Variants in TCERG1L observed in about 807,000 individuals in gnomAD.
TCERG1L encodes the protein transcription elongation regulator 1-like protein.
TCERG1L carries 37 observed loss-of-function variants against 56.3 expected under a neutral mutation model. The observed-to-expected ratio is 0.66, with a 90% CI of 0.51 to 0.87. The LOEUF (loss-of-function observed/expected upper bound fraction) is 0.87, where lower values mean the gene tolerates loss of function less well. Ranked by LOEUF, TCERG1L falls within the 40% of genes least tolerant of loss-of-function variation. The pLI is 0.00. For synonymous variants in TCERG1L, 324 were observed against 326.3 expected (o/e 0.99, Z 0.08); for missense variants, 799 against 774.2 (o/e 1.03, Z -0.38).
intron 4 of TCERG1L, among the ~76,000 whole-genome samples, chr10:131,227,117 G>A (rs931383045): frequency 3.9e-5 from 6 of 152,226 alleles, no homozygotes; most frequent in Non-Finnish European, 8.8e-5. Context: ...TCAGAGACTT[G>A]TTCTCCATAA....
chr10:131,245,232 A>G (rs548002973), intron 4 of TCERG1L, among the ~76,000 whole-genome samples: 1 of 152,172 alleles, frequency 6.6e-6, no homozygotes, highest in African/African-American at 2.4e-5. Context: ...AGTGTCAGCA[A>G]AACCTAATTA....
At chr10:131,244,145 A>G (rs977746682) in intron 4 of TCERG1L, among the ~76,000 whole-genome samples, 1 of 152,384 alleles carries the variant, frequency 6.6e-6, no homozygotes, top group African/African-American at 2.4e-5. Flanking sequence ...ACATAAAATA[A>G]AAGTGCATCG....
chr10:131,115,873 T>C (rs865920647), intron 9 of TCERG1L, among the ~76,000 whole-genome samples: 78 of 152,316 alleles, frequency 5.1e-4, no homozygotes, highest in African/African-American at 1.7e-3. Flanking sequence ...CTCTCTGTTC[T>C]GCAGGGAGCT....
chr10:131,166,856 G>C lies in TCERG1L; in HGVS notation c.886C>G (p.Arg296Gly). The C allele has an allele frequency of 6.2e-7, 1 of 1,613,266 alleles. No homozygotes were observed. The highest frequency in any genetic ancestry group is 8.5e-7 in the Non-Finnish European group (1 of 1,179,856). The change falls in exon 5 of 12, where the codon CGC becomes GGC. Residue 296 changes from arginine to glycine, a missense_variant. Coordinates refer to ENST00000368642, the MANE Select transcript of TCERG1L (RefSeq NM_174937.4). ...DTRTERGRVA[R>G]PPALMLRAQK... ...GCCCGCAGCATCAGGGCAGGAGGGC[G>C]GGCCACTCGGCCCCGCTCTGTCCTT...
At chr10:131,198,253 G>T (rs964323419) in intron 4 of TCERG1L, among the ~76,000 whole-genome samples, 4 of 152,222 alleles carry the variant, frequency 2.6e-5, no homozygotes, top group Non-Finnish European at 4.4e-5. Context: ...TGATAGAAAA[G>T]AACTCAAAAG....
intron 4 of TCERG1L, among the ~76,000 whole-genome samples, chr10:131,179,863 G>C (rs1845151964): frequency 6.6e-6 from 1 of 152,170 alleles, no homozygotes; most frequent in South Asian, 2.1e-4. Context: ...CCCACTTCTG[G>C]GTGGAGAGAA....
chr10:131,254,413 A>G (rs1846147626), intron 4 of TCERG1L, among the ~76,000 whole-genome samples: 1 of 151,936 alleles, frequency 6.6e-6, no homozygotes, highest in Non-Finnish European at 1.5e-5. Context: ...CCAATTCCCA[A>G]GCTCAAGGGA....
rs370184383 is a variant in TCERG1L, at chr10:131,093,450, G to T, written c.1605-132C>A. Reference sequence around the variant, plus strand: ...CCTGGCCGTGGGTGGCAGGGCACCCGGTGGGTGAGCGGCTCTGACCAGCCG... The same window carrying T: ...CCTGGCCGTGGGTGGCAGGGCACCCTGTGGGTGAGCGGCTCTGACCAGCCG... On this transcript the variant is annotated intron_variant, in intron 11 of 11. Transcript: ENST00000368642. 3.9e-3 allele frequency: 4,194 copies of T among 1,081,716 alleles called. 16 individuals carry two copies. The highest frequency in any genetic ancestry group is 5.2e-3 in the Non-Finnish European group (3,928 of 752,142). 67.0% of individuals were successfully genotyped at this position (1,081,716 alleles called of 1,614,324 possible). A position where few individuals can be genotyped will look rare whatever the true frequency, so the allele number is the denominator to read the frequency against.
chr10:131,098,692 A>G (rs1262195930), intron 10 of TCERG1L, among the ~76,000 whole-genome samples: 2 of 152,196 alleles, frequency 1.3e-5, no homozygotes, highest in East Asian at 3.9e-4. Flanking sequence ...GCCCTGCTGG[A>G]GAAACCCGGA....
intron 4 of TCERG1L, among the ~76,000 whole-genome samples, chr10:131,193,879 T>A (rs557673759): frequency 6.6e-6 from 1 of 152,356 alleles, no homozygotes; most frequent in African/African-American, 2.4e-5. Context: ...ATTAAAAATG[T>A]GCTTATGAGT....
chr10:131,147,973 C>T (rs2133415938), intron 6 of TCERG1L, among the ~76,000 whole-genome samples: 1 of 152,346 alleles, frequency 6.6e-6, no homozygotes, highest in East Asian at 1.9e-4. Context: ...GCCTGGGGCC[C>T]TGCATGTTGG....
At chr10:131,223,585 C>T (rs983784448) in intron 4 of TCERG1L, among the ~76,000 whole-genome samples, 1 of 151,474 alleles carries the variant, frequency 6.6e-6, no homozygotes, top group Non-Finnish European at 1.5e-5. Flanking sequence ...AAACAAAGCA[C>T]ATGTGTGCAC....
chr10:131,100,978 T>C (rs568833936), intron 10 of TCERG1L, among the ~76,000 whole-genome samples: 1 of 152,346 alleles, frequency 6.6e-6, no homozygotes, highest in Middle Eastern at 3.4e-3. Flanking sequence ...TCTTTCCCAC[T>C]GGACCTTCTG....
intron 4 of TCERG1L, among the ~76,000 whole-genome samples, chr10:131,218,121 C>G (rs982406313): frequency 6.6e-6 from 1 of 152,116 alleles, no homozygotes; most frequent in Non-Finnish European, 1.5e-5. Flanking sequence ...GGACACAGCC[C>G]ATTTTTTCCC....
chr10:131,248,432 C>T (rs1193621118), intron 4 of TCERG1L, among the ~76,000 whole-genome samples: 2 of 152,128 alleles, frequency 1.3e-5, no homozygotes, highest in African/African-American at 4.8e-5. Context: ...AGTCACAAAG[C>T]ACACCAGGCT....
chr10:131,163,332 T>A, intron 5 of TCERG1L, 122 bp from the exon 6 acceptor site: 1 of 749,242 alleles, frequency 1.3e-6, no homozygotes. Flanking sequence ...AGCCACGAGA[T>A]AATGACCTCA....
intron 5 of TCERG1L, 82 bp downstream of exon 5, chr10:131,166,715 A>G (rs1159127577): frequency 1.5e-6 from 2 of 1,369,718 alleles, no homozygotes; most frequent in East Asian, 4.7e-5. Flanking sequence ...CATACAGCAA[A>G]CAAGCGTGAG....
At chr10:131,215,425 C>T (rs1293279597) in intron 4 of TCERG1L, among the ~76,000 whole-genome samples, 1 of 152,124 alleles carries the variant, frequency 6.6e-6, no homozygotes, top group African/African-American at 2.4e-5. Context: ...CAATCCAATC[C>T]AGTTTGATTA....
intron 3 of TCERG1L, among the ~76,000 whole-genome samples, chr10:131,287,432 A>C (rs1846558087): frequency 6.6e-6 from 1 of 152,224 alleles, no homozygotes; most frequent in Non-Finnish European, 1.5e-5. Flanking sequence ...CTAGTTGTTT[A>C]AAATGATATG....
Sources: allele counts gnomAD v4.1 joint callset (sites outside exome capture counted in the v4.1 genomes callset), GRCh38; gene constraint gnomAD v4.1.1; transcripts MANE v1.5; gene names NCBI Gene and HGNC (gene_info 2026-07-23, HGNC 2026-07-21).